ADGRL3: variants seen among roughly 807,000 people sequenced by gnomAD.
ADGRL3 encodes the protein calcium-independent alpha-latrotoxin receptor 3.
A neutral mutation model predicts 153.5 loss-of-function variants in ADGRL3; 62 were observed. That is an observed-to-expected ratio of 0.40 (90% confidence interval 0.33 to 0.50). The LOEUF is 0.50. ADGRL3 is among the 20% of genes least tolerant of loss of function. The pLI, the probability that ADGRL3 is intolerant of heterozygous loss-of-function variation, is 0.47. For missense variants in ADGRL3, 1,641 were observed against 1,859.4 expected, an observed-to-expected ratio of 0.88 and a Z score of 2.16; for synonymous variants, 710 against 672.5, an observed-to-expected ratio of 1.06 and a Z score of -0.86.
chr4:61,675,170 C>T (rs145500124), intron 5 of ADGRL3, among the ~76,000 whole-genome samples: 23 of 151,980 alleles, frequency 1.5e-4, no homozygotes, highest in Admixed American at 1.1e-3. Flanking sequence ...GTAAACCCAA[C>T]GTATTTTTAC....
intron 21 of ADGRL3, among the ~76,000 whole-genome samples, chr4:62,009,227 G>T (rs1049352072): frequency 6.6e-6 from 1 of 152,080 alleles, no homozygotes; most frequent in African/African-American, 2.4e-5. Context: ...ACATTTAGTA[G>T]CTTTGTTGTG....
chr4:61,223,222 T>A (rs1478778287), intron 1 of ADGRL3, among the ~76,000 whole-genome samples: 1 of 152,212 alleles, frequency 6.6e-6, no homozygotes, highest in African/African-American at 2.4e-5. Flanking sequence ...TTAGAAGCAC[T>A]TCACAAAATT....
rs1580988916 is a variant in ADGRL3, at chr4:61,819,731, CAG to C, written c.1480+5846_1480+5847del. 2.6e-5 allele frequency among the ~76,000 whole-genome samples: 4 copies of C among 152,146 alleles called. No homozygotes were observed. In the East Asian group the frequency reaches 7.7e-4, roughly 29 times the overall value. ...CAATGTGAACTCAATCTAAAAATAA[CAG>C]AGAAGACTGCTTCAGATACTTTGCC... On this transcript the variant is annotated intron_variant, in intron 9 of 26. Transcript: ENST00000683033.
At chr4:61,779,885 G>A (rs181178314) in intron 8 of ADGRL3, among the ~76,000 whole-genome samples, 2 of 152,088 alleles carry the variant, frequency 1.3e-5, no homozygotes, top group East Asian at 3.9e-4. Context: ...ATCACCCCGG[G>A]ATCATGTTAA....
chr4:61,615,345 G>A lies in ADGRL3; in HGVS notation c.473+27905G>A, dbSNP rs528840331. On this transcript the variant is annotated intron_variant, in intron 5 of 26. Coordinates refer to ENST00000683033, the MANE Select transcript of ADGRL3 (RefSeq NM_001387552.1). ...AAAAGTTCACAGTCGAGAGGGATGA[G>A]AACAAGTAGAAAATATTTCTATCAG... Among the ~76,000 whole-genome samples, 4 of 152,046 alleles carry A rather than the reference G, an allele frequency of 2.6e-5. No homozygotes were observed. In the South Asian group the frequency reaches 8.3e-4, roughly 32 times the overall value.
At chr4:61,268,016 C>T (rs1025073959) in intron 1 of ADGRL3, among the ~76,000 whole-genome samples, 3 of 151,512 alleles carry the variant, frequency 2.0e-5, no homozygotes, top group Non-Finnish European at 4.4e-5. Context: ...GATATCTGAC[C>T]TTAAAATTTA....
chr4:61,403,818 A>C (rs965333094), intron 2 of ADGRL3, among the ~76,000 whole-genome samples: 1 of 152,056 alleles, frequency 6.6e-6, no homozygotes, highest in Admixed American at 6.6e-5. Context: ...ACTAAATTAT[A>C]GGACACACAG....
At chr4:61,875,528 T>C (rs2149432176) in intron 9 of ADGRL3, among the ~76,000 whole-genome samples, 1 of 152,344 alleles carries the variant, frequency 6.6e-6, no homozygotes, top group Middle Eastern at 3.4e-3. Context: ...TCCTTGATAC[T>C]GAACTCTGTT....
intron 13 of ADGRL3, among the ~76,000 whole-genome samples, chr4:61,923,330 G>A (rs2098779012): frequency 6.6e-6 from 1 of 151,124 alleles, no homozygotes; most frequent in Non-Finnish European, 1.5e-5. Context: ...TTTACACATT[G>A]CCAAATTCTT....
intron 17 of ADGRL3, among the ~76,000 whole-genome samples, chr4:61,951,311 CA>C (rs2150351928): frequency 6.6e-6 from 1 of 152,258 alleles, no homozygotes; most frequent in East Asian, 1.9e-4. Flanking sequence ...TGCACCTGTA[CA>C]TGGCAGTGTC....
rs569916069 is a variant in ADGRL3 at position 61,926,415 on chromosome 4, C to T, written c.2113-8425C>T. On this transcript the variant is annotated intron_variant, in intron 13 of 26. Transcript: ENST00000683033. ...CTCCTTGACTATCCCAAATTCTATG[C>T]GTTGCACCTCTTTCTTTTCCTCATC... Among the ~76,000 whole-genome samples the T allele has an allele frequency of 2.1e-4, 32 of 152,188 alleles. 1 individual carries two copies. In the South Asian group the frequency reaches 4.3e-3, roughly 21 times the overall value.
intron 8 of ADGRL3, among the ~76,000 whole-genome samples, chr4:61,781,007 T>G (rs1245542198): frequency 2.6e-5 from 4 of 152,206 alleles, no homozygotes; most frequent in African/African-American, 9.6e-5. Flanking sequence ...AAAACATATC[T>G]TTTTAATTTC....
chr4:61,349,299 A>T (rs1402494569), intron 1 of ADGRL3, among the ~76,000 whole-genome samples: 1 of 152,116 alleles, frequency 6.6e-6, no homozygotes, highest in African/African-American at 2.4e-5. Context: ...AATTTTCAAC[A>T]TTTAAAAAGT....
intron 9 of ADGRL3, among the ~76,000 whole-genome samples, chr4:61,847,924 T>C (rs1452241758): frequency 5.0e-5 from 1 of 19,840 alleles, no homozygotes; most frequent in Non-Finnish European, 1.2e-4. Flanking sequence ...ATATTATATA[T>C]ATAATATAAA....
rs1041753886 is a variant in ADGRL3 at position 61,676,913 on chromosome 4, G to A, written c.561G>A (p.Val187=). Residue 187 remains valine, a synonymous_variant, in exon 6 of 27, where the codon GTG becomes GTA. Transcript: ENST00000683033. ...PCPGTYKYLE[V]QYECVPYKVE... Reference sequence around the variant, plus strand: ...CAGGAACCTATAAATACCTTGAAGTGCAGTATGAATGTGTCCCTTACAGTA... The same window carrying A: ...CAGGAACCTATAAATACCTTGAAGTACAGTATGAATGTGTCCCTTACAGTA... 1.2e-6 allele frequency: 2 copies of A among 1,610,510 alleles called. No homozygotes were observed. Among genetic ancestry groups the A allele is most frequent in the Non-Finnish European group, 1.7e-6 (2 of 1,177,192 alleles).
intron 13 of ADGRL3, among the ~76,000 whole-genome samples, chr4:61,932,028 T>TAC (rs2098819632): frequency 1.3e-5 from 2 of 152,044 alleles, no homozygotes; most frequent in South Asian, 2.1e-4. Flanking sequence ...CACACACATA[T>TAC]ACATTCATAT....
chr4:61,424,520 C>G (rs1175794613), intron 2 of ADGRL3, among the ~76,000 whole-genome samples: 1 of 152,164 alleles, frequency 6.6e-6, no homozygotes. Context: ...TGCCCACCAT[C>G]TCTGTGGGGG....
At chr4:61,556,111 G>A (rs567226819) in intron 4 of ADGRL3, among the ~76,000 whole-genome samples, 36 of 152,244 alleles carry the variant, frequency 2.4e-4, no homozygotes, top group Non-Finnish European at 4.7e-4. Flanking sequence ...TGGTTCACAC[G>A]CCTCTGACAG....
At chr4:61,987,149 A>ATTTTATTTAT (rs1553902919) in intron 19 of ADGRL3, among the ~76,000 whole-genome samples, 1 of 33,324 alleles carries the variant, frequency 3.0e-5, no homozygotes, top group African/African-American at 8.1e-5. Flanking sequence ...ATTTTATTTT[A>ATTTTATTTAT]TTTATTTTAT....
Sources: allele counts gnomAD v4.1 joint callset (sites outside exome capture counted in the v4.1 genomes callset), GRCh38; gene constraint gnomAD v4.1.1; transcripts MANE v1.5; gene names NCBI Gene and HGNC (gene_info 2026-07-23, HGNC 2026-07-21).